Variants in ENDOV observed in about 807,000 individuals in gnomAD.
ENDOV encodes endonuclease V, also known as hEndoV.
In ENDOV, 37 loss-of-function variants were observed where a neutral mutation model predicts 39.4. That is an observed-to-expected ratio of 0.94 (90% CI 0.72 to 1.23). The LOEUF is 1.23. Ranked by LOEUF, ENDOV falls within the 50% of genes most tolerant of loss-of-function variation. ENDOV has a pLI of 0.00. For missense variants in ENDOV, 441 were observed against 375.7 expected (o/e 1.17, Z -1.44); for synonymous variants, 186 against 163.4 (o/e 1.14, Z -1.05).
intron 9 of ENDOV, among the ~76,000 whole-genome samples, chr17:80,430,917 T>C (rs552932884): frequency 6.6e-6 from 1 of 152,274 alleles, no homozygotes; most frequent in East Asian, 1.9e-4. Flanking sequence ...AGGCGCCAGC[T>C]GAGGAGTGGG....
intron 4 of ENDOV, among the ~76,000 whole-genome samples, chr17:80,422,833 G>A (rs2082225663): frequency 6.6e-6 from 1 of 152,210 alleles, no homozygotes; most frequent in South Asian, 2.1e-4. Flanking sequence ...CTGAGTAGCT[G>A]AGACTACAGG....
At chr17:80,430,453 G>A (rs1838613425) in intron 9 of ENDOV, 2 of 1,242,538 alleles carry the variant, frequency 1.6e-6, no homozygotes, top group Admixed American at 2.3e-5. Flanking sequence ...CATTTTTAAA[G>A]CAGGTCCTCA....
chr17:80,418,298 C>T (rs1277284243), intron 2 of ENDOV: 4 of 152,178 alleles, frequency 2.6e-5, no homozygotes, highest in African/African-American at 7.2e-5. Context: ...CACAGCATTC[C>T]CTTCCCCCTC....
intron 4 of ENDOV, 139 bp from the exon 5 acceptor site, chr17:80,423,381 A>G (rs2082302930): frequency 5.0e-6 from 4 of 804,964 alleles, no homozygotes; most frequent in Non-Finnish European, 7.7e-6. Flanking sequence ...TGGGACTTAG[A>G]TCTGGTTTCC....
chr17:80,432,913 C>T (rs1490760414), intron 9 of ENDOV, among the ~76,000 whole-genome samples: 1 of 152,170 alleles, frequency 6.6e-6, no homozygotes, highest in Admixed American at 6.5e-5. Context: ...ATTCCACCTA[C>T]CTCCTGAGTC....
chr17:80,419,679 C>T (rs753036955), intron 2 of ENDOV: 164 of 702,794 alleles, frequency 2.3e-4, no homozygotes, highest in Non-Finnish European at 3.9e-4. Context: ...TCCTTGACCA[C>T]ACTGTCCCAA....
intron 7 of ENDOV, chr17:80,427,658 C>T: frequency 8.1e-7 from 1 of 1,241,010 alleles, no homozygotes; most frequent in Non-Finnish European, 1.0e-6. Flanking sequence ...GCTCACTCAC[C>T]TCTCAACAGG....
intron 9 of ENDOV, chr17:80,433,264 G>A (rs887903914): frequency 1.9e-6 from 1 of 517,914 alleles, no homozygotes; most frequent in African/African-American, 1.9e-5. Flanking sequence ...CATGTGGTGG[G>A]GGATATTCCA....
chr17:80,420,305 A>C (rs2081828832), intron 2 of ENDOV: 1 of 152,354 alleles, frequency 6.6e-6, no homozygotes, highest in South Asian at 2.1e-4. Context: ...GTGGGAACTC[A>C]GGCCACACTT....
chr17:80,427,980 T>A, intron 7 of ENDOV: 1 of 979,330 alleles, frequency 1.0e-6, no homozygotes, highest in Non-Finnish European at 1.3e-6. Context: ...TCATCTGAGC[T>A]GGGATCAGGG....
At chr17:80,428,536 C>T in intron 7 of ENDOV, 60 bp from the exon 8 acceptor site, 1 of 1,514,948 alleles carries the variant, frequency 6.6e-7, no homozygotes, top group African/African-American at 1.4e-5. Flanking sequence ...GCAGCAGCTC[C>T]TGGTGGGAAA....
intron 3 of ENDOV, 54 bp from the exon 4 acceptor site, chr17:80,422,151 TC>T: frequency 6.2e-7 from 1 of 1,608,444 alleles, no homozygotes; most frequent in Non-Finnish European, 8.5e-7. Flanking sequence ...GATGGCCCTG[TC>T]CTGAGGGCCG....
rs531710373 is a variant in ENDOV, at chr17:80,421,792, G to A, written c.229-36G>A. The A allele has an allele frequency of 2.0e-5, 31 of 1,571,760 alleles. 1 individual carries two copies. In the Admixed American group the frequency reaches 3.5e-4, roughly 18 times the overall value. On this transcript the variant is annotated intron_variant, in intron 2 of 9. Coordinates refer to ENST00000518137, the MANE Select transcript of ENDOV (RefSeq NM_173627.5). ...CTGGGGATGGAGCAGGTGGCCGAAG[G>A]CTGTGCTTCCCACTGAGCTGCGTGC...
At chr17:80,429,954 G>T (rs1293856665) in intron 9 of ENDOV, 123 bp downstream of exon 9, 2 of 1,567,710 alleles carry the variant, frequency 1.3e-6, no homozygotes, top group South Asian at 1.2e-5. Context: ...AGACAAGAAG[G>T]CCACCGGCCA....
intron 2 of ENDOV, among the ~76,000 whole-genome samples, chr17:80,421,292 G>A (rs1165187617): frequency 1.3e-5 from 2 of 151,304 alleles, no homozygotes; most frequent in Middle Eastern, 3.4e-3. Context: ...ACCGGGTCCC[G>A]GGGAATCCTC....
chr17:80,425,728 A>T, intron 7 of ENDOV, 108 bp downstream of exon 7: 1 of 1,486,012 alleles, frequency 6.7e-7, no homozygotes, highest in Non-Finnish European at 9.0e-7. Flanking sequence ...CAGTGACATG[A>T]GGACGGGGGT....
At chr17:80,426,341 G>C (rs1326813818) in intron 7 of ENDOV, among the ~76,000 whole-genome samples, 1 of 152,212 alleles carries the variant, frequency 6.6e-6, no homozygotes, top group Non-Finnish European at 1.5e-5. Flanking sequence ...TGGGCAGGAA[G>C]GAGTTTGATG....
In ENDOV at chr17:80,430,002, G is replaced by T. The variant is rs1443807797; in HGVS notation, c.838+171G>T. ...CTCAGGACACTGACCACCCCTGGGGGTGGTCTAGGGACTTAGGGGAACCTC... is the reference window on the plus strand; with the variant it reads ...CTCAGGACACTGACCACCCCTGGGGTTGGTCTAGGGACTTAGGGGAACCTC... On this transcript the variant is annotated intron_variant, in intron 9 of 9. Coordinates refer to ENST00000518137, the MANE Select transcript of ENDOV (RefSeq NM_173627.5). 5.2e-6 allele frequency: 8 copies of T among 1,537,970 alleles called. No individual in the cohort carries two copies. The East Asian group carries it at 2.0e-4, about 38-fold the overall frequency.
rs1343339376 is a variant in ENDOV, at chr17:80,416,738, TC to T, written c.228+919del. 1.2e-4 allele frequency among the ~76,000 whole-genome samples: 15 copies of T among 130,262 alleles called. No individual in the cohort carries two copies. In the South Asian group the frequency reaches 4.1e-3, roughly 35 times the overall value. 85.5% of individuals were successfully genotyped at this position (130,262 alleles called of 152,430 possible). A position where few individuals can be genotyped will look rare whatever the true frequency, so the allele number is the denominator to read the frequency against. The stretch of plus-strand genomic sequence containing the variant: ...TTCCTTCCTTCCTTCCTTCCTCCCT[TC>T]CTTCCTCTCTCTGTCTCTCTTTCCT... On this transcript the variant is annotated intron_variant, in intron 2 of 9. Transcript: ENST00000518137.
Sources: allele counts gnomAD v4.1 joint callset (sites outside exome capture counted in the v4.1 genomes callset), GRCh38; gene constraint gnomAD v4.1.1; transcripts MANE v1.5; gene names NCBI Gene and HGNC (gene_info 2026-07-23, HGNC 2026-07-21).